PPM1G: variants seen among roughly 807,000 people sequenced by gnomAD.
The protein encoded by PPM1G is protein phosphatase 1G.
In PPM1G, 12 loss-of-function variants were observed where a neutral mutation model predicts 59.4. The ratio of observed to expected loss-of-function variants is 0.20; its 90% confidence interval spans 0.13 to 0.33. The LOEUF is 0.33. Ranked by LOEUF, PPM1G falls within the 10% of genes least tolerant of loss-of-function variation. PPM1G has a pLI of 1.00. For missense variants in PPM1G, 392 were observed against 681.3 expected (o/e 0.58, Z 4.73); for synonymous variants, 245 against 251.9 (o/e 0.97, Z 0.26).
intron 1 of PPM1G, among the ~76,000 whole-genome samples, chr2:27,387,459 T>C (rs942730945): frequency 6.6e-6 from 1 of 152,164 alleles, no homozygotes; most frequent in African/African-American, 2.4e-5. Context: ...CCTGACCCTT[T>C]TGGATCTGTG....
rs1480910914 is a variant in PPM1G at position 27,385,908 on chromosome 2, A to G, written c.277-29T>C. On this transcript the variant is annotated intron_variant, in intron 3 of 9. Transcript: ENST00000344034. The surrounding 1 kb of genome is among the most constrained non-coding windows in gnomAD (Gnocchi z 4.1). ...AATATAAGCAAAATAGTCTAAGACT[A>G]GTACAAAATGAACTCCCTATATACA... The G allele has an allele frequency of 6.2e-7, 1 of 1,602,558 alleles. No homozygotes were observed. The highest frequency in any genetic ancestry group is 1.3e-5 in the African/African-American group (1 of 74,128).
intron 1 of PPM1G, among the ~76,000 whole-genome samples, chr2:27,398,182 A>G (rs1210217921): frequency 6.6e-6 from 1 of 152,250 alleles, no homozygotes; most frequent in African/African-American, 2.4e-5. Flanking sequence ...AATGGACTTG[A>G]GAGTTCAGAA....
intron 1 of PPM1G, among the ~76,000 whole-genome samples, chr2:27,401,848 A>G (rs1684186402): frequency 6.6e-6 from 1 of 152,056 alleles, no homozygotes; most frequent in Admixed American, 6.6e-5. Context: ...AAAAGAAGAA[A>G]AAAAAGAAAA....
chr2:27,393,271 A>T lies in PPM1G; in HGVS notation c.121-6113T>A. 6.3e-6 allele frequency: 10 copies of T among 1,594,074 alleles called. No individual in the cohort carries two copies. In the Middle Eastern group the frequency reaches 1.7e-3, roughly 277 times the overall value. ...TAGTAAGCCACGCACAGGTAAATGGAGGAGGCGTAGAGCTCCAGGTTGATC... is the reference window on the plus strand; with the variant it reads ...TAGTAAGCCACGCACAGGTAAATGGTGGAGGCGTAGAGCTCCAGGTTGATC... On this transcript the variant is annotated intron_variant, in intron 1 of 9. Transcript: ENST00000344034.
In PPM1G at chr2:27,382,251, G is replaced by C. The variant is rs765532257; in HGVS notation, c.1332-23C>G. The C allele has an allele frequency of 3.1e-6, 5 of 1,608,748 alleles. No individual in the cohort carries two copies. The Admixed American group carries it at 8.3e-5, about 27-fold the overall frequency. ...TTCCTGGGGTCAAGAACAACAGTCA[G>C]AATCTTCCAGTCTCACTAAGGCAGC... On this transcript the variant is annotated intron_variant, in intron 8 of 9. Transcript: ENST00000344034. This position sits in a 1 kb window ranked among gnomAD's most constrained non-coding sequence, Gnocchi z 4.2.
intron 1 of PPM1G, chr2:27,393,435 G>A (rs1683968192): frequency 5.0e-6 from 5 of 1,008,192 alleles, no homozygotes; most frequent in Non-Finnish European, 7.5e-6. Flanking sequence ...TGCGGCGGGG[G>A]CCTTGGGGCA....
chr2:27,401,459 G>A (rs1684178079), intron 1 of PPM1G, among the ~76,000 whole-genome samples: 1 of 152,178 alleles, frequency 6.6e-6, no homozygotes, highest in South Asian at 2.1e-4. Flanking sequence ...GGGAGTGACT[G>A]GTAAAGAGTA....
Position 27,404,971 on chromosome 2 carries a change from C to T in PPM1G, c.120+4332G>A, listed in dbSNP as rs111769112. The stretch of plus-strand genomic sequence containing the variant: ...AGAAAAAAAAAAAAAAAAAAGACTA[C>T]ATCAACTGAATCTATTTTCAGATTT... On this transcript the variant is annotated intron_variant, in intron 1 of 9. Coordinates refer to ENST00000344034, the MANE Select transcript of PPM1G (RefSeq NM_177983.3). 5.4e-4 allele frequency among the ~76,000 whole-genome samples: 81 copies of T among 148,704 alleles called. 1 individual carries two copies. The highest frequency in any genetic ancestry group is 1.9e-3 in the African/African-American group (76 of 40,514).
At chr2:27,393,553 GACCACTCTCGGCGAAGAAC>G (rs1405073346) in intron 1 of PPM1G, among the ~76,000 whole-genome samples, 1 of 152,122 alleles carries the variant, frequency 6.6e-6, no homozygotes, top group African/African-American at 2.4e-5. Context: ...AGGAAACCCC[GACCACTCTCGGCGAAGAAC>G]GTCTCAACTT....
chr2:27,383,912 T>G lies in PPM1G; in HGVS notation c.966+40A>C. 6.4e-7 allele frequency: 1 copy of G among 1,551,074 alleles called. No individual in the cohort carries two copies. Among genetic ancestry groups the G allele is most frequent in the Non-Finnish European group, 8.7e-7 (1 of 1,146,542 alleles). On this transcript the variant is annotated intron_variant, in intron 6 of 9. Transcript: ENST00000344034. This position sits in a 1 kb window ranked among gnomAD's most constrained non-coding sequence, Gnocchi z 5.0. Reference sequence around the variant, plus strand: ...AAAATTAGGGGATTCACACCTGCCTTGTGGCTTTTCAAGACTCATTGCTCC... The same window carrying G: ...AAAATTAGGGGATTCACACCTGCCTGGTGGCTTTTCAAGACTCATTGCTCC...
chr2:27,385,526 T>C lies in PPM1G; in HGVS notation c.409+221A>G, dbSNP rs2148418722. 1 of 545,294 alleles carries C rather than the reference T, an allele frequency of 1.8e-6. No homozygotes were observed. Among genetic ancestry groups the C allele is most frequent in the Non-Finnish European group, 3.1e-6 (1 of 325,988 alleles). 33.8% of individuals were successfully genotyped at this position (545,294 alleles called of 1,614,324 possible). The stretch of plus-strand genomic sequence containing the variant: ...AAGACCCCATCACAATGACAAAAGA[T>C]AATGTATATACAATGCTTACAGCTC... On this transcript the variant is annotated intron_variant, in intron 4 of 9. Transcript: ENST00000344034. This position sits in a 1 kb window ranked among gnomAD's most constrained non-coding sequence, Gnocchi z 4.1.
At chr2:27,405,112 C>T (rs182847402) in intron 1 of PPM1G, among the ~76,000 whole-genome samples, 77 of 138,096 alleles carry the variant, frequency 5.6e-4, no homozygotes, top group African/African-American at 2.0e-3. Flanking sequence ...CTCACCCTGT[C>T]GCCCAGGCTG....
At chr2:27,390,861 A>G (rs1683884616) in intron 1 of PPM1G, among the ~76,000 whole-genome samples, 1 of 136,266 alleles carries the variant, frequency 7.3e-6, no homozygotes, top group Admixed American at 8.6e-5. Context: ...ACCCATGTCT[A>G]TTGTTGCCAT....
At chr2:27,397,976 G>C (rs1189866114) in intron 1 of PPM1G, among the ~76,000 whole-genome samples, 1 of 152,148 alleles carries the variant, frequency 6.6e-6, no homozygotes. Flanking sequence ...GGTGGCTCAT[G>C]CCTGTAATAC....
chr2:27,409,491 G>T lies in PPM1G; in HGVS notation c.-69C>A. On this transcript the variant is annotated 5_prime_UTR_variant, in exon 1 of 10. Transcript: ENST00000344034. Reference sequence around the variant, plus strand: ...CGACCCGTGCCGGAGCCGAAGCCCCGGGGGTGCGCGCGGCAGGAGCAGGCC... The same window carrying T: ...CGACCCGTGCCGGAGCCGAAGCCCCTGGGGTGCGCGCGGCAGGAGCAGGCC... The T allele has an allele frequency of 1.4e-6, 2 of 1,380,636 alleles. No homozygotes were observed. Among genetic ancestry groups the T allele is most frequent in the Non-Finnish European group, 1.9e-6 (2 of 1,071,410 alleles). 85.5% of individuals were successfully genotyped at this position (1,380,636 alleles called of 1,614,324 possible).
Position 27,385,610 on chromosome 2 carries a change from G to A in PPM1G, c.409+137C>T. 1.8e-6 allele frequency: 2 copies of A among 1,106,572 alleles called. No homozygotes were observed. The highest frequency in any genetic ancestry group is 2.6e-5 in the Admixed American group (1 of 38,630). The allele number at this position is 1,106,572 out of a possible 1,614,324, so 68.5% of individuals were successfully genotyped here. A position where few individuals can be genotyped will look rare whatever the true frequency, so the allele number is the denominator to read the frequency against. ...CTTTTCATAACCACATACAATGCAG[G>A]AGAACATCATAGGTTTCTTTAACAT... On this transcript the variant is annotated intron_variant, in intron 4 of 9. Transcript: ENST00000344034. The surrounding 1 kb of genome is among the most constrained non-coding windows in gnomAD (Gnocchi z 4.1).
intron 1 of PPM1G, among the ~76,000 whole-genome samples, chr2:27,392,523 G>C (rs770940554): frequency 1.4e-4 from 20 of 143,848 alleles, no homozygotes; most frequent in Non-Finnish European, 2.8e-4. Context: ...TCAAACTCCC[G>C]ACCTCAGGTG....
chr2:27,382,365 C>T lies in PPM1G; in HGVS notation c.1331+111G>A. The T allele has an allele frequency of 6.4e-7, 1 of 1,567,086 alleles. No individual in the cohort carries two copies. Among genetic ancestry groups the T allele is most frequent in the Non-Finnish European group, 8.7e-7 (1 of 1,149,708 alleles). Reference sequence around the variant, plus strand: ...TCTGCCTTAGTCTGGGTGCTCTTCACCCACCAAGAGGCCTAGGTCTGCCTA... The same window carrying T: ...TCTGCCTTAGTCTGGGTGCTCTTCATCCACCAAGAGGCCTAGGTCTGCCTA... On this transcript the variant is annotated intron_variant, in intron 8 of 9. Coordinates refer to ENST00000344034, the MANE Select transcript of PPM1G (RefSeq NM_177983.3). The surrounding 1 kb of genome is among the most constrained non-coding windows in gnomAD (Gnocchi z 4.2).
In PPM1G at chr2:27,382,152, G is replaced by A. The variant is rs747724484; in HGVS notation, c.1408C>T (p.Arg470Trp). The change falls in exon 9 of 10, where the codon CGG becomes TGG. Residue 470 changes from arginine to tryptophan, a missense_variant. By Grantham distance (101) the Arg-to-Trp change is moderately radical. This residue lies in a region of PPM1G where 29 missense variants were observed against 38.9 expected (regional missense o/e 0.75). Transcript: ENST00000344034. This position sits in a 1 kb window ranked among gnomAD's most constrained non-coding sequence, Gnocchi z 4.2. Reference sequence around the variant, plus strand: ...TCTTCCACAATGGATGACAATAACCGAAGCTCCCCATTTTCATCACGCTGG... The same window carrying A: ...TCTTCCACAATGGATGACAATAACCAAAGCTCCCCATTTTCATCACGCTGG... ...ISQRDENGEL[R>W]LLSSIVEELL... is the part of the protein sequence containing the mutation. The A allele has an allele frequency of 6.2e-7, 1 of 1,614,148 alleles. No homozygotes were observed. The highest frequency in any genetic ancestry group is 2.2e-5 in the East Asian group (1 of 44,884).
Sources: gnomAD v4.1 joint callset for allele counts (sites outside exome capture counted in the v4.1 genomes callset) on GRCh38, gnomAD v4.1.1 for gene constraint, gnomAD v4.1.1 regional missense constraint, Gnocchi (gnomAD v3.1) non-coding constraint, MANE v1.5 for transcripts, NCBI Gene and HGNC (gene_info 2026-07-23, HGNC 2026-07-21) for gene names.